RUNX2: variants seen among roughly 807,000 people sequenced by gnomAD.
RUNX2 encodes RUNX family transcription factor 2.
A neutral mutation model predicts 51.7 loss-of-function variants in RUNX2; 10 were observed. The ratio of observed to expected loss-of-function variants is 0.19; its 90% CI spans 0.12 to 0.33. RUNX2 has a LOEUF of 0.33. Ranked by LOEUF, RUNX2 falls within the 10% of genes least tolerant of loss-of-function variation. RUNX2 has a pLI of 1.00. For synonymous variants in RUNX2, 276 were observed against 273.6 expected, an observed-to-expected ratio of 1.01 and a Z score of -0.09; for missense variants, 562 against 691.3, an observed-to-expected ratio of 0.81 and a Z score of 2.10.
At chr6:45,512,784 A>T (rs1801200724) in intron 7 of RUNX2, among the ~76,000 whole-genome samples, 1 of 151,938 alleles carries the variant, frequency 6.6e-6, no homozygotes, top group African/African-American at 2.4e-5. Context: ...TATAAACAAG[A>T]TTGATGGCAC....
In RUNX2 at chr6:45,548,724, A is replaced by T. The variant is rs1440678170; in HGVS notation, c.*1419A>T. The T allele has an allele frequency of 6.2e-6, 1 of 161,200 alleles. No individual in the cohort carries two copies. The highest frequency in any genetic ancestry group is 2.0e-4 in the South Asian group (1 of 4,916). The allele number at this position is 161,200 out of a possible 1,614,324, so 10.0% of individuals were successfully genotyped here. A position where few individuals can be genotyped will look rare whatever the true frequency, so the allele number is the denominator to read the frequency against. ...AGACATAGTCAGCTAAAAGCCGCAC[A>T]TGTGGATAGAGGGTTCAATTATGAG... On this transcript the variant is annotated 3_prime_UTR_variant, in exon 9 of 9. Coordinates refer to ENST00000647337, the MANE Select transcript of RUNX2 (RefSeq NM_001024630.4).
intron 7 of RUNX2, among the ~76,000 whole-genome samples, chr6:45,536,291 G>A (rs1268229525): frequency 6.6e-6 from 1 of 152,136 alleles, no homozygotes; most frequent in Non-Finnish European, 1.5e-5. Flanking sequence ...TGTAGAGGGA[G>A]AAAGGGCAAA....
intron 5 of RUNX2, among the ~76,000 whole-genome samples, chr6:45,443,200 G>T (rs1389602139): frequency 6.6e-6 from 1 of 151,798 alleles, no homozygotes; most frequent in African/African-American, 2.4e-5. Context: ...ACAAGTAAGT[G>T]CCACTATACC....
intron 2 of RUNX2, among the ~76,000 whole-genome samples, chr6:45,331,375 G>A (rs536443945): frequency 3.3e-5 from 5 of 152,032 alleles, no homozygotes; most frequent in East Asian, 1.9e-4. Flanking sequence ...AACATGATGT[G>A]TGAACACTGA....
At chr6:45,484,473 G>A (rs1316012695) in intron 5 of RUNX2, among the ~76,000 whole-genome samples, 2 of 152,160 alleles carry the variant, frequency 1.3e-5, no homozygotes, top group East Asian at 1.9e-4. Flanking sequence ...TCATCTGAAC[G>A]TAAACAGAGG....
chr6:45,360,380 AC>A (rs1165046036), intron 2 of RUNX2, among the ~76,000 whole-genome samples: 1 of 152,162 alleles, frequency 6.6e-6, no homozygotes, highest in Non-Finnish European at 1.5e-5. Context: ...TTATTAAAGC[AC>A]CCTTGGAATT....
At chr6:45,527,866 G>A (rs1302888188) in intron 7 of RUNX2, among the ~76,000 whole-genome samples, 1 of 152,128 alleles carries the variant, frequency 6.6e-6, no homozygotes, top group Non-Finnish European at 1.5e-5. Context: ...GAATTTTGGG[G>A]ACTGAAAGAA....
intron 2 of RUNX2, among the ~76,000 whole-genome samples, chr6:45,372,301 C>A (rs1031637187): frequency 6.6e-6 from 1 of 152,104 alleles, no homozygotes; most frequent in African/African-American, 2.4e-5. Context: ...CTTAGTAAAC[C>A]GCCTTGTACA....
chr6:45,367,409 T>A (rs1274312148), intron 2 of RUNX2, among the ~76,000 whole-genome samples: 1 of 151,804 alleles, frequency 6.6e-6, no homozygotes, highest in African/African-American at 2.4e-5. Context: ...TAAGTACTTT[T>A]CTCTACAAAT....
intron 6 of RUNX2, among the ~76,000 whole-genome samples, 158 bp downstream of exon 6, chr6:45,492,272 A>G (rs893495666): frequency 6.6e-6 from 1 of 151,908 alleles, no homozygotes; most frequent in Non-Finnish European, 1.5e-5. Flanking sequence ...CTTTTTTATT[A>G]AAAAAAATAA....
intron 2 of RUNX2, among the ~76,000 whole-genome samples, chr6:45,352,921 A>T (rs1792364305): frequency 6.6e-6 from 1 of 152,098 alleles, no homozygotes; most frequent in Non-Finnish European, 1.5e-5. Flanking sequence ...CAAAATTAAG[A>T]CAATAACTGC....
At chr6:45,512,141 T>C (rs1801171903) in intron 6 of RUNX2, 105 bp from the exon 7 acceptor site, 2 of 1,054,600 alleles carry the variant, frequency 1.9e-6, no homozygotes, top group Non-Finnish European at 1.4e-6. Context: ...GCCATTTTTT[T>C]TTCTCTCCCT....
At chr6:45,386,650 A>G (rs957850806) in intron 2 of RUNX2, among the ~76,000 whole-genome samples, 1 of 152,190 alleles carries the variant, frequency 6.6e-6, no homozygotes, top group Non-Finnish European at 1.5e-5. Flanking sequence ...TTTTGTCATT[A>G]TTGTCGTTAC....
chr6:45,353,362 C>T (rs1475342332), intron 2 of RUNX2, among the ~76,000 whole-genome samples: 3 of 151,764 alleles, frequency 2.0e-5, no homozygotes, highest in South Asian at 2.1e-4. Flanking sequence ...AAAAGTTATG[C>T]GGATGGACTT....
At chr6:45,487,377 G>A (rs1169316939) in intron 5 of RUNX2, among the ~76,000 whole-genome samples, 2 of 152,112 alleles carry the variant, frequency 1.3e-5, no homozygotes, top group Admixed American at 1.3e-4. Context: ...CATAAAAGAA[G>A]CATGTTACTC....
rs78886023 is a variant in RUNX2 at position 45,500,049 on chromosome 6, G to A, written c.859+7935G>A. 7.2e-3 allele frequency among the ~76,000 whole-genome samples: 1,090 copies of A among 152,240 alleles called. 10 individuals carry two copies. The highest frequency in any genetic ancestry group is 0.025 in the African/African-American group (1,021 of 41,534). On this transcript the variant is annotated intron_variant, in intron 6 of 8. Coordinates refer to ENST00000647337, the MANE Select transcript of RUNX2 (RefSeq NM_001024630.4). Reference sequence around the variant, plus strand: ...GACTATGGGCAAAAGGATCAGAATAGGAGATTAATGTTGAAGGAAATATTA... The same window carrying A: ...GACTATGGGCAAAAGGATCAGAATAAGAGATTAATGTTGAAGGAAATATTA...
At chr6:45,492,185 T>C (rs955423951) in intron 6 of RUNX2, 71 bp downstream of exon 6, 21 of 1,473,866 alleles carry the variant, frequency 1.4e-5, no homozygotes, top group African/African-American at 5.6e-5. Context: ...CCAGAGGAGA[T>C]GTGTTCACTT....
rs190485443 is a variant in RUNX2, at chr6:45,446,737, T to A, written c.685+8686T>A. 8.3e-4 allele frequency among the ~76,000 whole-genome samples: 127 copies of A among 152,340 alleles called. 1 individual carries two copies. Among genetic ancestry groups the A allele is most frequent in the African/African-American group, 2.1e-3 (88 of 41,578 alleles). ...GCATTTTTATAGGATACATTTATGA[T>A]GTCAACTAAAGAACATCTTTGGCCT... On this transcript the variant is annotated intron_variant, in intron 5 of 8. Coordinates refer to ENST00000647337, the MANE Select transcript of RUNX2 (RefSeq NM_001024630.4).
At chr6:45,507,832 G>T (rs561551956) in intron 6 of RUNX2, among the ~76,000 whole-genome samples, 1 of 152,190 alleles carries the variant, frequency 6.6e-6, no homozygotes, top group Non-Finnish European at 1.5e-5. Flanking sequence ...AGAAAAAGAG[G>T]TCAAGGGCTA....
Sources: gnomAD v4.1 joint callset for allele counts (sites outside exome capture counted in the v4.1 genomes callset) on GRCh38, gnomAD v4.1.1 for gene constraint, MANE v1.5 for transcripts, NCBI Gene and HGNC (gene_info 2026-07-23, HGNC 2026-07-21) for gene names.